ZBED6: variants seen among roughly 807,000 people sequenced by gnomAD.
ZBED6 encodes the protein zinc finger BED-type containing 6.
ZBED6 carries 40 observed loss-of-function variants against 58.4 expected under a neutral mutation model. That is an observed-to-expected ratio of 0.68 (90% CI 0.53 to 0.89). The LOEUF (loss-of-function observed/expected upper bound fraction) is 0.89, where lower values mean the gene tolerates loss of function less well. Ranked by LOEUF, ZBED6 falls within the 40% of genes least tolerant of loss-of-function variation. The pLI, the probability that ZBED6 is intolerant of heterozygous loss-of-function variation, is 0.00. For synonymous variants in ZBED6, 439 were observed against 350.6 expected (o/e 1.25, Z -2.82); for missense variants, 1,057 against 1,003.9 (o/e 1.05, Z -0.71).
In ZBED6 at chr1:203,810,772, G is replaced by C. The variant is rs561895022; in HGVS notation, c.*2555-6154G>C. ...TCTGTTGAAACATTAGTAAGGGAGT[G>C]TTATCTACTCAGGATTCCATTTCTC... On this transcript the variant is annotated intron_variant, in intron 1 of 16. Coordinates refer to ENST00000550078, the Ensembl canonical transcript of ZBED6. Among the ~76,000 whole-genome samples, 225 of 152,106 alleles carry C rather than the reference G, an allele frequency of 1.5e-3. 4 individuals are homozygous for C. The highest frequency in any genetic ancestry group is 4.9e-3 in the African/African-American group (202 of 41,506).
Position 203,838,075 on chromosome 1 carries a change from T to C in ZBED6, c.*3672+11T>C. 6.2e-7 allele frequency: 1 copy of C among 1,612,712 alleles called. No homozygotes were observed. The highest frequency in any genetic ancestry group is 8.5e-7 in the Non-Finnish European group (1 of 1,179,080). ...AAACACCAAAGAAAGGTACCTGTGT[T>C]CTTACATACTTTGTGTGTGTATGTA... On this transcript the variant is annotated intron_variant, in intron 10 of 16. Transcript: ENST00000550078.
rs1228335649 is a variant in ZBED6 at position 203,852,317 on chromosome 1, A to G, written c.*5050A>G. On this transcript the variant is annotated 3_prime_UTR_variant, in exon 17 of 17. Coordinates refer to ENST00000550078, the Ensembl canonical transcript of ZBED6. ...CTAATATGGGAGATTTCAGGAGGCAAATTGGAAGCTGAGATTGACCTGGAT... is the reference window on the plus strand; with the variant it reads ...CTAATATGGGAGATTTCAGGAGGCAGATTGGAAGCTGAGATTGACCTGGAT... 11 of 1,613,684 alleles carry G rather than the reference A, an allele frequency of 6.8e-6. No homozygotes were observed. The highest frequency in any genetic ancestry group is 9.3e-6 in the Non-Finnish European group (11 of 1,179,858).
chr1:203,830,100 A>G (rs376116297), intron 6 of ZBED6, 23 bp from the exon 7 acceptor site: 3 of 1,566,388 alleles, frequency 1.9e-6, no homozygotes, highest in African/African-American at 2.7e-5. Context: ...CGTTCCTCAT[A>G]AAATTTCTAT....
Position 203,846,210 on chromosome 1 carries a change from GTA to G in ZBED6, c.*3742-972_*3742-971del, listed in dbSNP as rs528082942. ...TTATTCAGTGATTACATATATATGTGTATGATCTCCAAATTATCATTTATTTC... is the reference window on the plus strand; with the variant it reads ...TTATTCAGTGATTACATATATATGTGTGATCTCCAAATTATCATTTATTTC... On this transcript the variant is annotated intron_variant, in intron 11 of 16. Transcript: ENST00000550078. Among the ~76,000 whole-genome samples the G allele has an allele frequency of 6.8e-5, 10 of 147,502 alleles. No homozygotes were observed. The South Asian group carries it at 2.2e-3, about 32-fold the overall frequency.
At chr1:203,833,881 C>T (rs200470273) in intron 9 of ZBED6, 28 bp downstream of exon 9, 2 of 1,590,714 alleles carry the variant, frequency 1.3e-6, no homozygotes, top group South Asian at 1.1e-5. Context: ...TATATCTTTT[C>T]TTTTCTACTT....
chr1:203,834,719 A>C (rs1312008476), intron 9 of ZBED6, among the ~76,000 whole-genome samples: 1 of 152,178 alleles, frequency 6.6e-6, no homozygotes, highest in East Asian at 1.9e-4. Context: ...GCACAATCTC[A>C]GCTCACTGCA....
At chr1:203,852,521 A>G in exon 17 of ZBED6, 1 of 1,054,474 alleles carries the variant, frequency 9.5e-7, no homozygotes, top group Non-Finnish European at 1.4e-6. Flanking sequence ...AATCAGAAGT[A>G]TACCTCTGAA....
chr1:203,828,377 A>C, exon 4 of ZBED6: 4 of 1,614,020 alleles, frequency 2.5e-6, no homozygotes, highest in Non-Finnish European at 3.4e-6. Flanking sequence ...TTTCCATCAC[A>C]ATAGAGGACG....
At chr1:203,843,360 A>G (rs1247828488) in intron 11 of ZBED6, among the ~76,000 whole-genome samples, 1 of 152,156 alleles carries the variant, frequency 6.6e-6, no homozygotes, top group Admixed American at 6.6e-5. Context: ...TGACTGCCCC[A>G]CATTTCTTTT....
chr1:203,840,223 G>A, intron 10 of ZBED6, 83 bp from the exon 11 acceptor site: 1 of 1,368,800 alleles, frequency 7.3e-7, no homozygotes, highest in East Asian at 2.3e-5. Context: ...ACAGGTGTAT[G>A]CCACCATGCC....
At chr1:203,804,757 C>T (rs1187200904) in intron 1 of ZBED6, among the ~76,000 whole-genome samples, 1 of 150,468 alleles carries the variant, frequency 6.6e-6, no homozygotes, top group African/African-American at 2.5e-5. Flanking sequence ...ATTGCAACCT[C>T]TGCCTTCCAG....
chr1:203,841,636 G>A (rs959167334), intron 11 of ZBED6, among the ~76,000 whole-genome samples: 10 of 152,314 alleles, frequency 6.6e-5, no homozygotes, highest in African/African-American at 2.2e-4. Flanking sequence ...AACCGCCTTT[G>A]TCATCATGGC....
chr1:203,823,606 G>A (rs532158650), intron 3 of ZBED6, among the ~76,000 whole-genome samples: 29 of 152,206 alleles, frequency 1.9e-4, no homozygotes, highest in Non-Finnish European at 3.5e-4. Flanking sequence ...TGCTAGCCAA[G>A]AGCAAGCCTT....
exon 15 of ZBED6, chr1:203,850,570 A>G: frequency 5.0e-6 from 8 of 1,613,950 alleles, no homozygotes; most frequent in Non-Finnish European, 5.9e-6. Flanking sequence ...CATCCCCCAA[A>G]TTGGCCCCAA....
chr1:203,800,687 A>C, exon 1 of ZBED6: 2 of 378,154 alleles, frequency 5.3e-6, no homozygotes, highest in African/African-American at 2.1e-5. Flanking sequence ...GCTTATACCA[A>C]TGAGAGAGAA....
exon 7 of ZBED6, chr1:203,830,127 A>G (rs1183374055): frequency 6.3e-7 from 1 of 1,592,204 alleles, no homozygotes; most frequent in Non-Finnish European, 8.5e-7. Context: ...TTTCAGGTGA[A>G]TGTTTGAATT....
chr1:203,825,704 C>T (rs1021742173), intron 3 of ZBED6, among the ~76,000 whole-genome samples: 2 of 151,978 alleles, frequency 1.3e-5, no homozygotes, highest in Non-Finnish European at 2.9e-5. Context: ...AGATTACAGG[C>T]GTGAGCCACC....
intron 4 of ZBED6, among the ~76,000 whole-genome samples, chr1:203,828,819 G>T (rs1008300338): frequency 5.9e-5 from 9 of 152,170 alleles, no homozygotes; most frequent in Admixed American, 5.9e-4. Context: ...TAGTGCTATA[G>T]AATTGAGTAG....
exon 17 of ZBED6, chr1:203,852,705 T>G (rs1472255592): frequency 5.2e-6 from 2 of 384,800 alleles, no homozygotes; most frequent in Non-Finnish European, 9.5e-6. Flanking sequence ...CAAGCGAACT[T>G]AGTGACTCCT....
Sources: allele counts gnomAD v4.1 joint callset (sites outside exome capture counted in the v4.1 genomes callset), GRCh38; gene constraint gnomAD v4.1.1; transcripts MANE v1.5; gene names NCBI Gene and HGNC (gene_info 2026-07-23, HGNC 2026-07-21).